Variants in SLC39A14 observed in about 807,000 individuals in gnomAD.
SLC39A14 encodes the protein solute carrier family 39 member 14, also known as metal cation symporter ZIP14.
In SLC39A14, 19 loss-of-function variants were observed where a neutral mutation model predicts 45.5. The observed-to-expected ratio is 0.42, with a 90% CI of 0.29 to 0.61. The LOEUF (loss-of-function observed/expected upper bound fraction) is 0.61, where lower values mean the gene tolerates loss of function less well. Among genes scored for constraint, SLC39A14 ranks in the 20% least tolerant of loss-of-function variants. The pLI is 0.22. For synonymous variants in SLC39A14, 264 were observed against 251.3 expected, an observed-to-expected ratio of 1.05 and a Z score of -0.48; for missense variants, 447 against 616.5, an observed-to-expected ratio of 0.73 and a Z score of 2.91.
intron 1 of SLC39A14, 164 bp from the exon 2 acceptor site, chr8:22,404,532 G>T: frequency 2.2e-6 from 1 of 461,778 alleles, no homozygotes; most frequent in Admixed American, 3.7e-5. Context: ...TTTTTATTCT[G>T]TGCTTTCAAA....
At chr8:22,410,511 T>G (rs1835510106) in intron 3 of SLC39A14, among the ~76,000 whole-genome samples, 2 of 150,756 alleles carry the variant, frequency 1.3e-5, no homozygotes, top group Non-Finnish European at 1.5e-5. Flanking sequence ...CAAGAGCTTA[T>G]CCATCTGGAA....
At position 22,412,041 on chromosome 8, in the gene SLC39A14, G is replaced by T; in HGVS notation, c.462G>T (p.Trp154Cys). The stretch of plus-strand genomic sequence containing the variant: ...GGCCCTCCCTCCGCACGGCAGTGTG[G>T]GGATACGGTCTCCTCTGTGTGACCG... Reference protein sequence around the residue: ...EEGRPSAVEVWGYGLLCVTVI... With the variant: ...EEGRPSAVEVCGYGLLCVTVI... Residue 154 changes from tryptophan (W) to cysteine (C), a missense_variant, in exon 4 of 9, where the codon TGG becomes TGT. By Grantham distance (215) the Trp-to-Cys change is radical (BLOSUM62 -2). Around this residue, in one of 2 missense-constraint regions of SLC39A14, gnomAD observed 342 missense variants for 428.1 expected, o/e 0.80. Transcript: ENST00000381237. The T allele has an allele frequency of 1.3e-6, 2 of 1,550,762 alleles. No individual in the cohort carries two copies.
Position 22,402,768 on chromosome 8 carries a change from C to CA in SLC39A14, c.-15-1910dup, listed in dbSNP as rs754943496. ...TGGGCAATAGAGTGAGACTCCATTT[C>CA]AAAAAAAAAAAAAAAAAATGTTGCT... On this transcript the variant is annotated intron_variant, in intron 1 of 8. Coordinates refer to ENST00000381237, the MANE Select transcript of SLC39A14 (RefSeq NM_001128431.4). Among the ~76,000 whole-genome samples the CA allele has an allele frequency of 1.7e-3, 142 of 82,580 alleles. No homozygotes were observed. In the Middle Eastern group the frequency reaches 0.025, roughly 15 times the overall value. The allele number at this position is 82,580 out of a possible 152,430, so 54.2% of individuals were successfully genotyped here.
chr8:22,432,846 T>C (rs1227545446), intron 8 of SLC39A14, among the ~76,000 whole-genome samples: 1 of 136,564 alleles, frequency 7.3e-6, no homozygotes, highest in Non-Finnish European at 1.6e-5. Flanking sequence ...TAGAGATGGG[T>C]TTTACCATGT....
chr8:22,404,076 A>G (rs181605164), intron 1 of SLC39A14, among the ~76,000 whole-genome samples: 47,203 of 151,692 alleles, frequency 0.31, 10,106 homozygotes, highest in African/African-American at 0.62. Flanking sequence ...AGCAGTCCCC[A>G]GATATAAGAT....
chr8:22,373,765 G>GTT (rs10690749), intron 1 of SLC39A14, among the ~76,000 whole-genome samples: 5,185 of 139,058 alleles, frequency 0.037, 328 homozygotes, highest in African/African-American at 0.13. Context: ...TTGTTTTCTC[G>GTT]TTTTTTTTTT....
Position 22,415,783 on chromosome 8 carries a change from CAG to C in SLC39A14, c.766_767del (p.Ser256ProfsTer5). ...CACCCTTCCAGCATCATCATGGACA[CAG>C]CCATTATGCCTCTGAGTCGCTTCCC... Reference protein sequence around the residue: ...KQKNEHHHGHSHYASESLPSK... With the variant: ...KQKNEHHHGHXHYASESLPSK... On this transcript the variant is annotated frameshift_variant, in exon 6 of 9. Coordinates refer to ENST00000381237, the MANE Select transcript of SLC39A14 (RefSeq NM_001128431.4). LOFTEE classifies it high-confidence loss of function. 6.2e-7 allele frequency: 1 copy of C among 1,612,064 alleles called. No individual in the cohort carries two copies. Among genetic ancestry groups the C allele is most frequent in the Non-Finnish European group, 8.5e-7 (1 of 1,179,524 alleles).
intron 1 of SLC39A14, among the ~76,000 whole-genome samples, chr8:22,383,492 T>G (rs1158029752): frequency 1.3e-5 from 2 of 152,148 alleles, no homozygotes; most frequent in African/African-American, 4.8e-5. Flanking sequence ...ATCTTGTTAT[T>G]TGAAAGAGCC....
intron 1 of SLC39A14, among the ~76,000 whole-genome samples, chr8:22,375,728 T>C (rs1833181671): frequency 6.6e-6 from 1 of 152,204 alleles, no homozygotes; most frequent in Admixed American, 6.5e-5. Context: ...CCTCAGGTGA[T>C]CTACCCGCCT....
chr8:22,428,505 C>T (rs1467611944), intron 8 of SLC39A14, among the ~76,000 whole-genome samples: 1 of 139,566 alleles, frequency 7.2e-6, no homozygotes, highest in Non-Finnish European at 1.5e-5. Context: ...TGCCGTGGTA[C>T]GATCTCAGCT....
downstream of SLC39A14, among the ~76,000 whole-genome samples, chr8:22,427,602 T>C (rs771292506): frequency 4.6e-4 from 70 of 152,178 alleles, 1 homozygote; most frequent in Non-Finnish European, 8.5e-4. Context: ...TTGAAGTTTA[T>C]AAAAACAAGC....
chr8:22,396,736 C>T (rs1296038486), intron 1 of SLC39A14, among the ~76,000 whole-genome samples: 1 of 151,324 alleles, frequency 6.6e-6, no homozygotes, highest in Non-Finnish European at 1.5e-5. Context: ...TCCCCGGTAG[C>T]TTTTCCTCCT....
intron 1 of SLC39A14, among the ~76,000 whole-genome samples, chr8:22,394,079 T>C (rs1305373260): frequency 1.3e-5 from 2 of 150,940 alleles, no homozygotes; most frequent in Non-Finnish European, 1.5e-5. Flanking sequence ...TGATCTTGGC[T>C]CACTGCAACC....
chr8:22,421,135 A>G lies in SLC39A14; in HGVS notation c.*1437A>G, dbSNP rs1042774014. ...GCCACTTTGGGGAGCCTGTCTCTCC[A>G]GAAGCCTTTCTTAGTGGTGCCCACA... On this transcript the variant is annotated 3_prime_UTR_variant, in exon 9 of 9. Transcript: ENST00000381237. 3.0e-6 allele frequency: 3 copies of G among 985,782 alleles called. No individual in the cohort carries two copies. The African/African-American group carries it at 5.2e-5, about 17-fold the overall frequency. The allele number at this position is 985,782 out of a possible 1,614,324, so 61.1% of individuals were successfully genotyped here.
chr8:22,408,399 C>T lies in SLC39A14; in HGVS notation c.360C>T (p.Thr120=). ...GSSELQEFCP[T]ILQQLDSRAC... ...GCGAGCTCCAGGAGTTCTGCCCCAC[C>T]ATCCTCCAGCAGCTGGATTCCCGGG... Residue 120 remains threonine, a synonymous_variant, in exon 3 of 9, where the codon ACC becomes ACT. Transcript: ENST00000381237. 1 of 1,614,232 alleles carries T rather than the reference C, an allele frequency of 6.2e-7. No individual in the cohort carries two copies. Among genetic ancestry groups the T allele is most frequent in the Non-Finnish European group, 8.5e-7 (1 of 1,180,042 alleles).
chr8:22,373,550 C>T (rs947233192), intron 1 of SLC39A14, among the ~76,000 whole-genome samples: 6 of 151,988 alleles, frequency 3.9e-5, no homozygotes, highest in East Asian at 1.9e-4. Flanking sequence ...GACACAGGTA[C>T]GTGTCACATT....
intron 8 of SLC39A14, among the ~76,000 whole-genome samples, chr8:22,419,321 C>G (rs1158639709): frequency 6.6e-6 from 1 of 152,078 alleles, no homozygotes; most frequent in Admixed American, 6.5e-5. Flanking sequence ...GTAGCTGGGA[C>G]TACAGGCCTG....
In SLC39A14 at chr8:22,421,826, T is replaced by G; in HGVS notation, c.*2128T>G. 1.0e-6 allele frequency: 1 copy of G among 985,286 alleles called. No individual in the cohort carries two copies. The highest frequency in any genetic ancestry group is 1.2e-6 in the Non-Finnish European group (1 of 829,768). The allele number at this position is 985,286 out of a possible 1,614,324, so 61.0% of individuals were successfully genotyped here. ...CTAGTTTAGGAGAGGAGCTCAAAAC[T>G]ATAATCTTTAACAAATTGAAAAATG... On this transcript the variant is annotated 3_prime_UTR_variant, in exon 9 of 9. Coordinates refer to ENST00000381237, the MANE Select transcript of SLC39A14 (RefSeq NM_001128431.4).
rs377005073 is a variant in SLC39A14, at chr8:22,408,478, C to T, written c.439C>T (p.Arg147Trp). The change falls in exon 3 of 9, where the codon CGG becomes TGG. Residue 147 changes from arginine to tryptophan, a missense_variant. This residue lies in a region of SLC39A14 where 342 missense variants were observed against 428.1 expected (regional missense o/e 0.80). Transcript: ENST00000381237. ...NEENEQTEEGRPSAVEVWGYG... is the reference protein window; with the variant it reads ...NEENEQTEEGWPSAVEVWGYG... Reference sequence around the variant, plus strand: ...GGAGAATGAGCAGACGGAGGAGGGGCGGCCAAGCGCTGTTGAAGGTGAGCC... The same window carrying T: ...GGAGAATGAGCAGACGGAGGAGGGGTGGCCAAGCGCTGTTGAAGGTGAGCC... The T allele has an allele frequency of 3.1e-6, 5 of 1,613,468 alleles. No individual in the cohort carries two copies. The highest frequency in any genetic ancestry group is 3.4e-6 in the Non-Finnish European group (4 of 1,179,726).
Sources: allele counts gnomAD v4.1 joint callset (sites outside exome capture counted in the v4.1 genomes callset), GRCh38; gene constraint gnomAD v4.1.1; regional missense constraint gnomAD v4.1.1; transcripts MANE v1.5; gene names NCBI Gene and HGNC (gene_info 2026-07-23, HGNC 2026-07-21).